The following DPP6 variants were observed in gnomAD, a reference collection of about 807,000 sequenced individuals.
DPP6 encodes the protein A-type potassium channel modulatory protein DPP6.
Under a neutral mutation model 122.6 loss-of-function variants are expected in DPP6, and 69 were observed. The ratio of observed to expected loss-of-function variants is 0.56; its 90% CI spans 0.46 to 0.69. The LOEUF is 0.69. Ranked by LOEUF, DPP6 falls within the 30% of genes least tolerant of loss-of-function variation. The pLI is 0.00. For missense variants in DPP6, 928 were observed against 1,116.9 expected, an observed-to-expected ratio of 0.83 and a Z score of 2.41; for synonymous variants, 418 against 433.1, an observed-to-expected ratio of 0.97 and a Z score of 0.43.
At chr7:154,059,044 C>T (rs1382060759) in intron 1 of DPP6, 1 of 148,318 alleles carries the variant, frequency 6.7e-6, no homozygotes, top group Admixed American at 6.6e-5. Context: ...GAGGGACCCC[C>T]CACGAGGCGG....
chr7:154,627,099 G>A (rs1480469504), intron 5 of DPP6, among the ~76,000 whole-genome samples: 3 of 120,232 alleles, frequency 2.5e-5, no homozygotes, highest in East Asian at 2.8e-4. Flanking sequence ...TGCAAGCTCC[G>A]CCTCCCAGGT....
At chr7:153,812,013 A>G in the DPP6 span, among the ~76,000 whole-genome samples, 3 of 148,150 alleles carry the variant, frequency 2.0e-5, no homozygotes, top group East Asian at 4.1e-4. Flanking sequence ...TGGTGTTTTT[A>G]CCGCCCAAAT....
In DPP6 at chr7:153,970,413, A is replaced by T. The variant is rs7811964; in HGVS notation, c.51+82679A>T. On this transcript the variant is annotated intron_variant, in intron 1 of 25. Coordinates refer to the DPP6 transcript ENST00000404039. ...ATACTGTCAAATAAATGTTTTTCAGATAGCTTATTCCAATATGTGGCTTGC... is the reference window on the plus strand; with the variant it reads ...ATACTGTCAAATAAATGTTTTTCAGTTAGCTTATTCCAATATGTGGCTTGC... 1.7e-4 allele frequency among the ~76,000 whole-genome samples: 26 copies of T among 152,294 alleles called. 1 individual carries two copies. In the South Asian group the frequency reaches 5.2e-3, roughly 30 times the overall value.
At chr7:154,870,431 C>T (rs139917795) in intron 18 of DPP6, among the ~76,000 whole-genome samples, 4,080 of 139,220 alleles carry the variant, frequency 0.029, 215 homozygotes, top group Admixed American at 0.14. Context: ...ATGGTAAAAC[C>T]CCATCTCTAC....
At chr7:154,305,458 C>T in intron 1 of DPP6, 1 of 1,563,048 alleles carries the variant, frequency 6.4e-7, no homozygotes, top group Non-Finnish European at 8.7e-7. Context: ...CCGTCAGACC[C>T]CACCTGCCCC....
the DPP6 span, among the ~76,000 whole-genome samples, chr7:153,866,744 T>C: frequency 6.6e-6 from 1 of 152,254 alleles, no homozygotes. Flanking sequence ...TCTTGAATGG[T>C]ATTGCCTAGG....
At chr7:153,754,114 T>C in the DPP6 span, among the ~76,000 whole-genome samples, 1 of 152,216 alleles carries the variant, frequency 6.6e-6, no homozygotes, top group Non-Finnish European at 1.5e-5. Context: ...CTTCTACTTC[T>C]AGTGTTTATT....
the DPP6 span, among the ~76,000 whole-genome samples, chr7:153,802,054 A>G: frequency 6.6e-6 from 1 of 152,226 alleles, no homozygotes; most frequent in East Asian, 1.9e-4. Flanking sequence ...TCAGATGGTT[A>G]TGTGGTGGCA....
At chr7:154,248,452 G>A (rs1056679999) in intron 1 of DPP6, among the ~76,000 whole-genome samples, 1 of 152,070 alleles carries the variant, frequency 6.6e-6, no homozygotes, top group Admixed American at 6.5e-5. Flanking sequence ...GGAGGGTGGG[G>A]GTGGAATTGA....
intron 5 of DPP6, among the ~76,000 whole-genome samples, chr7:154,598,228 T>C (rs1234571374): frequency 3.9e-5 from 6 of 152,240 alleles, no homozygotes; most frequent in African/African-American, 1.4e-4. Flanking sequence ...GCGTTTCACA[T>C]GTACACTTAA....
At chr7:153,959,620 C>T (rs1795244698) in intron 1 of DPP6, among the ~76,000 whole-genome samples, 1 of 152,260 alleles carries the variant, frequency 6.6e-6, no homozygotes, top group Admixed American at 6.5e-5. Context: ...GCAGCTTCCT[C>T]ATTTTTCTCA....
At position 154,656,880 on chromosome 7, in the gene DPP6, A is replaced by AGGAGGTGCCCAGAGATGGGTGGAGAG. The variant is rs1837300669; in HGVS notation, c.681-12479_681-12478insGAGGTGCCCAGAGATGGGTGGAGAGG. Among the ~76,000 whole-genome samples, 2 of 36,886 alleles carry AGGAGGTGCCCAGAGATGGGTGGAGAG rather than the reference A, an allele frequency of 5.4e-5. 1 individual carries two copies. Among genetic ancestry groups the AGGAGGTGCCCAGAGATGGGTGGAGAG allele is most frequent in the Admixed American group, 6.4e-4 (2 of 3,114 alleles). The allele number at this position is 36,886 out of a possible 152,430, so 24.2% of individuals were successfully genotyped here. A position where few individuals can be genotyped will look rare whatever the true frequency, so the allele number is the denominator to read the frequency against. ...GGAGGTGCCCAGTGATGGGTGGAGAAGCTGCGTGGGAGGAGGTGCTCATGG... is the reference window on the plus strand; with the variant it reads ...GGAGGTGCCCAGTGATGGGTGGAGAAGGAGGTGCCCAGAGATGGGTGGAGAGGCTGCGTGGGAGGAGGTGCTCATGG... On this transcript the variant is annotated intron_variant, in intron 6 of 25. Transcript: ENST00000377770.
intron 6 of DPP6, among the ~76,000 whole-genome samples, chr7:154,660,905 T>C (rs1837622548): frequency 1.9e-5 from 2 of 103,100 alleles, no homozygotes; most frequent in African/African-American, 1.0e-4. Context: ...CATATAGTCA[T>C]GGTGAATCAC....
At chr7:154,186,027 A>G in intron 1 of DPP6, among the ~76,000 whole-genome samples, 1 of 152,294 alleles carries the variant, frequency 6.6e-6, no homozygotes, top group South Asian at 2.1e-4. Context: ...CATTGGGAAA[A>G]CCAGCCATAT....
chr7:154,180,377 A>G (rs951595389), intron 1 of DPP6, among the ~76,000 whole-genome samples: 6 of 146,552 alleles, frequency 4.1e-5, no homozygotes, highest in African/African-American at 1.5e-4. Context: ...CTCTCAAAAT[A>G]TATATATAAA....
At chr7:154,593,012 G>C (rs1832895471) in intron 5 of DPP6, among the ~76,000 whole-genome samples, 1 of 152,174 alleles carries the variant, frequency 6.6e-6, no homozygotes, top group Non-Finnish European at 1.5e-5. Context: ...GGCCGGAGCT[G>C]TCATGGGACA....
the DPP6 span, among the ~76,000 whole-genome samples, chr7:153,812,008 T>G: frequency 2.0e-5 from 3 of 152,090 alleles, no homozygotes; most frequent in East Asian, 1.9e-4. Flanking sequence ...TTTGGTGGTG[T>G]TTTTACCGCC....
At chr7:153,886,346 G>A (rs1798912227), upstream of DPP6, among the ~76,000 whole-genome samples, 1 of 152,196 alleles carries the variant, frequency 6.6e-6, no homozygotes, top group South Asian at 2.1e-4. Flanking sequence ...GGGAACCCAG[G>A]TCGCGGTCAC....
At chr7:153,879,211 C>A in the DPP6 span, among the ~76,000 whole-genome samples, 1 of 152,082 alleles carries the variant, frequency 6.6e-6, no homozygotes, top group Admixed American at 6.6e-5. Flanking sequence ...AAAGAATGAA[C>A]AGCAGTTGTC....
Sources: allele counts gnomAD v4.1 joint callset (sites outside exome capture counted in the v4.1 genomes callset), GRCh38; gene constraint gnomAD v4.1.1; transcripts MANE v1.5; gene names NCBI Gene and HGNC (gene_info 2026-07-23, HGNC 2026-07-21).